The following JMJD1C variants were observed in gnomAD, a reference collection of about 807,000 sequenced individuals.
The protein encoded by JMJD1C is jumonji domain containing 1C.
JMJD1C carries 31 observed loss-of-function variants against 245.3 expected under a neutral mutation model. The observed-to-expected ratio is 0.13, with a 90% CI of 0.09 to 0.17. JMJD1C has a LOEUF of 0.17. JMJD1C is among the 10% of genes least tolerant of loss of function. The probability of loss-of-function intolerance (pLI) is 1.00; values close to 1 mark genes in which losing one functional copy is unlikely to be tolerated. For synonymous variants in JMJD1C, 1,057 were observed against 1,017.4 expected (o/e 1.04, Z -0.74); for missense variants, 2,691 against 3,000.2 (o/e 0.90, Z 2.41).
intron 2 of JMJD1C, among the ~76,000 whole-genome samples, chr10:63,297,540 G>T (rs533460337): frequency 1.3e-5 from 2 of 152,060 alleles, no homozygotes; most frequent in Non-Finnish European, 2.9e-5. Context: ...GGACTGAAAG[G>T]AGCTGTAACA....
chr10:63,514,842 A>G (rs368060032), intron 1 of JMJD1C, among the ~76,000 whole-genome samples: 5 of 152,148 alleles, frequency 3.3e-5, no homozygotes, highest in African/African-American at 1.2e-4. Flanking sequence ...CATTCCTGCC[A>G]TATTTAGCTA....
intron 1 of JMJD1C, among the ~76,000 whole-genome samples, chr10:63,520,108 T>A (rs79761398): frequency 0.013 from 2,030 of 152,322 alleles, 31 homozygotes; most frequent in African/African-American, 0.034. Flanking sequence ...TGAGCTTGTT[T>A]CTTAAATAAT....
At chr10:63,181,936 C>T (rs1201183589) in intron 22 of JMJD1C, among the ~76,000 whole-genome samples, 1 of 152,196 alleles carries the variant, frequency 6.6e-6, no homozygotes, top group Non-Finnish European at 1.5e-5. Context: ...ACTCTCAAAT[C>T]TCTGGGGGAT....
intron 1 of JMJD1C, among the ~76,000 whole-genome samples, chr10:63,478,871 C>T (rs1304031413): frequency 6.6e-6 from 1 of 152,146 alleles, no homozygotes; most frequent in Non-Finnish European, 1.5e-5. Context: ...GAAGCTGAGG[C>T]TGGAGGATCA....
chr10:63,347,908 C>T (rs969226927), intron 2 of JMJD1C, among the ~76,000 whole-genome samples: 2 of 152,118 alleles, frequency 1.3e-5, no homozygotes, highest in Middle Eastern at 3.4e-3. Flanking sequence ...AGCAAGACTC[C>T]ATCTCAAAAC....
In JMJD1C at chr10:63,213,539, A is replaced by G. The variant is rs139078977; in HGVS notation, c.2628T>C (p.Leu876=). The change falls in exon 8 of 26, where the codon CTT becomes CTC. Residue 876 remains leucine, a synonymous_variant. Coordinates refer to ENST00000399262, the MANE Select transcript of JMJD1C (RefSeq NM_032776.3). The part of the protein sequence containing the change: ...YPNGTHAYSG[L]GLPSSKWVHP... ...GAACCCACTTAGAAGAAGGCAAACC[A>G]AGTCCTGAGTATGCATGTGTTCCAT... 5.8e-4 allele frequency: 938 copies of G among 1,611,036 alleles called. 6 individuals carry two copies. The African/African-American group carries it at 0.012, about 20-fold the overall frequency.
chr10:63,178,651 A>T (rs1319841789), intron 22 of JMJD1C, among the ~76,000 whole-genome samples: 3 of 152,228 alleles, frequency 2.0e-5, no homozygotes, highest in Non-Finnish European at 4.4e-5. Flanking sequence ...AGGTGCTCTC[A>T]TATTTGATAA....
intron 1 of JMJD1C, chr10:63,427,386 T>A: frequency 9.2e-7 from 1 of 1,089,534 alleles, no homozygotes; most frequent in Non-Finnish European, 1.3e-6. Flanking sequence ...CAAATCCCTA[T>A]AGCAAACATG....
chr10:63,216,566 C>T (rs111484720), intron 5 of JMJD1C, among the ~76,000 whole-genome samples: 5,325 of 151,922 alleles, frequency 0.035, 289 homozygotes, highest in East Asian at 0.26. Context: ...AAAAAATAGC[C>T]GGGCGTGGTG....
chr10:63,481,726 T>G (rs1271942707), intron 1 of JMJD1C, among the ~76,000 whole-genome samples: 1 of 152,134 alleles, frequency 6.6e-6, no homozygotes, highest in Non-Finnish European at 1.5e-5. Context: ...ATTCAGACCA[T>G]TTTGAGGACT....
intron 24 of JMJD1C, among the ~76,000 whole-genome samples, chr10:63,172,660 C>T (rs139455513): frequency 1.3e-5 from 2 of 151,046 alleles, no homozygotes; most frequent in African/African-American, 4.9e-5. Flanking sequence ...GCAGGAAAGA[C>T]GACAGAAAGT....
At chr10:63,252,087 G>A (rs1387672547) in intron 3 of JMJD1C, among the ~76,000 whole-genome samples, 1 of 152,190 alleles carries the variant, frequency 6.6e-6, no homozygotes, top group East Asian at 1.9e-4. Context: ...CTAAATAAAG[G>A]CTGAAAGGGG....
chr10:63,497,985 C>T (rs555082129), intron 1 of JMJD1C, among the ~76,000 whole-genome samples: 1 of 152,206 alleles, frequency 6.6e-6, no homozygotes, highest in African/African-American at 2.4e-5. Flanking sequence ...GTCAAAGCAA[C>T]CAATCACTAT....
intron 2 of JMJD1C, among the ~76,000 whole-genome samples, chr10:63,298,745 T>C (rs1859727536): frequency 6.6e-6 from 1 of 152,222 alleles, no homozygotes; most frequent in Non-Finnish European, 1.5e-5. Flanking sequence ...TCTAATCTTT[T>C]TTTTTAGACG....
chr10:63,352,867 C>T (rs1006073825), intron 2 of JMJD1C, among the ~76,000 whole-genome samples: 1 of 151,962 alleles, frequency 6.6e-6, no homozygotes, highest in East Asian at 1.9e-4. Context: ...GTGTGTTCTA[C>T]GGGGCCAACT....
intron 1 of JMJD1C, among the ~76,000 whole-genome samples, chr10:63,460,012 C>G (rs951010170): frequency 1.2e-4 from 19 of 152,328 alleles, no homozygotes; most frequent in East Asian, 7.7e-4. Context: ...CAGTTCCAGA[C>G]TCATACCCAC....
chr10:63,282,704 T>G (rs1554871153), intron 2 of JMJD1C, among the ~76,000 whole-genome samples: 1 of 152,164 alleles, frequency 6.6e-6, no homozygotes. Flanking sequence ...TAAAAGACCT[T>G]CCCCACTAAA....
chr10:63,456,045 G>A (rs112871332), intron 1 of JMJD1C, among the ~76,000 whole-genome samples: 4 of 152,102 alleles, frequency 2.6e-5, no homozygotes, highest in African/African-American at 9.6e-5. Context: ...ATGTGTATAT[G>A]TTTGTATAGT....
At chr10:63,459,054 A>G (rs1952608819) in intron 1 of JMJD1C, among the ~76,000 whole-genome samples, 1 of 152,182 alleles carries the variant, frequency 6.6e-6, no homozygotes, top group Non-Finnish European at 1.5e-5. Context: ...GATTATGGTA[A>G]TATAGTACAA....
Sources: gnomAD v4.1 joint callset for allele counts (sites outside exome capture counted in the v4.1 genomes callset) on GRCh38, gnomAD v4.1.1 for gene constraint, MANE v1.5 for transcripts, NCBI Gene and HGNC (gene_info 2026-07-23, HGNC 2026-07-21) for gene names.